Variants in IFT80 observed in about 807,000 individuals in gnomAD.
IFT80 encodes the protein intraflagellar transport protein 80 homolog.
A neutral mutation model predicts 107.9 loss-of-function variants in IFT80; 79 were observed. That is an observed-to-expected ratio of 0.73 (90% confidence interval 0.61 to 0.88). The LOEUF (loss-of-function observed/expected upper bound fraction) is 0.88, where lower values mean the gene tolerates loss of function less well. IFT80 is among the 40% of genes least tolerant of loss of function. The pLI is 0.00. For missense variants in IFT80, 797 were observed against 914.2 expected (o/e 0.87, Z 1.65); for synonymous variants, 299 against 300.9 (o/e 0.99, Z 0.07).
At chr3:160,355,467 T>C (rs1321205540) in intron 8 of IFT80, among the ~76,000 whole-genome samples, 1 of 151,948 alleles carries the variant, frequency 6.6e-6, no homozygotes, top group Non-Finnish European at 1.5e-5. Context: ...CCCGGGCTGG[T>C]CTCAAACTCC....
intron 6 of IFT80, among the ~76,000 whole-genome samples, chr3:160,360,286 TGAGAA>T (rs1253647826): frequency 6.6e-6 from 1 of 151,768 alleles, no homozygotes; most frequent in East Asian, 1.9e-4. Flanking sequence ...TGAAATAAAG[TGAGAA>T]GAGAAGTTTA....
intron 6 of IFT80, among the ~76,000 whole-genome samples, chr3:160,359,968 T>C (rs1721375755): frequency 1.3e-5 from 2 of 152,182 alleles, no homozygotes; most frequent in Admixed American, 1.3e-4. Context: ...TCGCAGCTCC[T>C]CGCCAGCAAT....
intron 1 of IFT80, 46 bp from the exon 2 acceptor site, chr3:160,384,692 A>T (rs1712789714): frequency 6.9e-7 from 1 of 1,439,294 alleles, no homozygotes; most frequent in Admixed American, 1.8e-5. Context: ...CATTAAAAAC[A>T]AATGTACGTA....
At chr3:160,288,888 G>A (rs1715315846) in intron 12 of IFT80, among the ~76,000 whole-genome samples, 1 of 151,592 alleles carries the variant, frequency 6.6e-6, no homozygotes, top group African/African-American at 2.4e-5. Context: ...TCATTGTGGA[G>A]AGGAGTGTGG....
chr3:160,326,468 T>G lies in IFT80; in HGVS notation c.778-6529A>C, dbSNP rs188489916. 2.7e-4 allele frequency among the ~76,000 whole-genome samples: 41 copies of G among 152,220 alleles called. No individual in the cohort carries two copies. The East Asian group carries it at 7.7e-3, about 29-fold the overall frequency. On this transcript the variant is annotated intron_variant, in intron 8 of 19. Coordinates refer to ENST00000326448, the MANE Select transcript of IFT80 (RefSeq NM_020800.3). Reference sequence around the variant, plus strand: ...TGAATCCAGTAGCACATCAAAAAGCTTATCCACCATGATCAAGTAGGCTTC... The same window carrying G: ...TGAATCCAGTAGCACATCAAAAAGCGTATCCACCATGATCAAGTAGGCTTC...
intron 10 of IFT80, among the ~76,000 whole-genome samples, chr3:160,304,926 T>G (rs1041341345): frequency 1.3e-5 from 2 of 152,194 alleles, no homozygotes; most frequent in Non-Finnish European, 2.9e-5. Context: ...ATTGTTGGGT[T>G]GAAATGAAAA....
intron 9 of IFT80, among the ~76,000 whole-genome samples, chr3:160,311,847 G>A (rs988177280): frequency 2.0e-5 from 3 of 152,076 alleles, no homozygotes; most frequent in Non-Finnish European, 4.4e-5. Context: ...CGTGATATGC[G>A]GCTCACTGCA....
chr3:160,309,085 A>G (rs1424908878), intron 9 of IFT80, among the ~76,000 whole-genome samples: 25 of 152,238 alleles, frequency 1.6e-4, no homozygotes, highest in Admixed American at 1.6e-3. Context: ...TTGTTACAGC[A>G]GCACAAACAG....
rs150656502 is a variant in IFT80 at position 160,346,111 on chromosome 3, C to T, written c.777+9902G>A. 3.1e-3 allele frequency among the ~76,000 whole-genome samples: 468 copies of T among 151,968 alleles called. 1 individual carries two copies. Among genetic ancestry groups the T allele is most frequent in the Non-Finnish European group, 5.5e-3 (376 of 67,938 alleles). On this transcript the variant is annotated intron_variant, in intron 8 of 19. Transcript: ENST00000326448. ...GTAGAACAGTGGTTACCAGGTGGTG[C>T]GTAGTGGGGAATGGGGAAATGCTGA...
chr3:160,297,717 G>A (rs1015446301), intron 12 of IFT80, among the ~76,000 whole-genome samples: 5 of 151,976 alleles, frequency 3.3e-5, no homozygotes, highest in African/African-American at 1.2e-4. Flanking sequence ...CTTTGGGTTT[G>A]GCTAAATCCT....
chr3:160,331,948 C>T (rs573160176), intron 8 of IFT80, among the ~76,000 whole-genome samples: 26 of 152,282 alleles, frequency 1.7e-4, no homozygotes, highest in African/African-American at 4.6e-4. Context: ...TAAGCCACCA[C>T]GCCTGGCCTC....
At chr3:160,398,189 A>G (rs565180570) in intron 1 of IFT80, among the ~76,000 whole-genome samples, 34 of 152,332 alleles carry the variant, frequency 2.2e-4, no homozygotes, top group South Asian at 1.4e-3. Flanking sequence ...GTCTACGCTT[A>G]TGCAATACAC....
At chr3:160,369,497 C>G (rs1354655691) in intron 5 of IFT80, among the ~76,000 whole-genome samples, 1 of 151,836 alleles carries the variant, frequency 6.6e-6, no homozygotes, top group South Asian at 2.1e-4. Context: ...AACTACATAG[C>G]TATACAACTT....
chr3:160,391,458 G>A (rs1178821489), intron 1 of IFT80: 1 of 152,228 alleles, frequency 6.6e-6, no homozygotes, highest in African/African-American at 2.4e-5. Flanking sequence ...GGATCACAAG[G>A]TCAGGAGATC....
At chr3:160,381,934 A>C (rs1167958379) in intron 2 of IFT80, among the ~76,000 whole-genome samples, 1 of 152,204 alleles carries the variant, frequency 6.6e-6, no homozygotes, top group Non-Finnish European at 1.5e-5. Flanking sequence ...GCAAGAAAGA[A>C]ATCCAGATGC....
In IFT80 at chr3:160,377,461, T is replaced by G; in HGVS notation, c.339A>C (p.Arg113Ser). Residue 113 changes from arginine (R) to serine (S), a missense_variant, in exon 4 of 20, where the codon AGA (arginine) becomes AGC (serine). Coordinates refer to ENST00000326448, the MANE Select transcript of IFT80 (RefSeq NM_020800.3). Reference protein sequence around the residue: ...EAHCGAVLAGRWNYEGTALVT... With the variant: ...EAHCGAVLAGSWNYEGTALVT... ...CTAATGCTGTTCCTTCATAATTCCA[T>G]CTTCCTGCAAGTACTGCTCCACAGT... 6.2e-7 allele frequency: 1 copy of G among 1,608,126 alleles called. No homozygotes were observed. The highest frequency in any genetic ancestry group is 1.3e-5 in the African/African-American group (1 of 74,910).
chr3:160,357,024 C>T lies in IFT80; in HGVS notation c.639+465G>A, dbSNP rs545650181. 1.2e-4 allele frequency among the ~76,000 whole-genome samples: 19 copies of T among 152,268 alleles called. No homozygotes were observed. The South Asian group carries it at 3.7e-3, about 30-fold the overall frequency. The stretch of plus-strand genomic sequence containing the variant: ...TTTTAAAAACATACTGAACTGAACT[C>T]AAATTGAGTCACGGTAAAATTAGGG... On this transcript the variant is annotated intron_variant, in intron 7 of 19. Transcript: ENST00000326448.
intron 18 of IFT80, among the ~76,000 whole-genome samples, chr3:160,272,668 C>G (rs1713909747): frequency 6.6e-6 from 1 of 152,150 alleles, no homozygotes; most frequent in Non-Finnish European, 1.5e-5. Flanking sequence ...CTCAGCCATA[C>G]TCATGGCCTC....
intron 8 of IFT80, among the ~76,000 whole-genome samples, chr3:160,349,080 G>GTATAT (rs1720488834): frequency 6.6e-6 from 1 of 151,678 alleles, no homozygotes; most frequent in Non-Finnish European, 1.5e-5. Context: ...TGGGTAAAAT[G>GTATAT]TGTCATATAC....
Sources: gnomAD v4.1 joint callset for allele counts (sites outside exome capture counted in the v4.1 genomes callset) on GRCh38, gnomAD v4.1.1 for gene constraint, MANE v1.5 for transcripts, NCBI Gene and HGNC (gene_info 2026-07-23, HGNC 2026-07-21) for gene names.